RIC3: variants seen among roughly 807,000 people sequenced by gnomAD.
The protein encoded by RIC3 is RIC3 acetylcholine receptor chaperone.
RIC3 carries 28 observed loss-of-function variants against 27.3 expected under a neutral mutation model. That is an observed-to-expected ratio of 1.02 (90% CI 0.76 to 1.41). The LOEUF (loss-of-function observed/expected upper bound fraction) is 1.41. Among genes scored for constraint, RIC3 ranks in the 40% most tolerant of loss-of-function variants. The pLI, the probability that RIC3 is intolerant of heterozygous loss-of-function variation, is 0.00. For synonymous variants in RIC3, 184 were observed against 160.4 expected, an observed-to-expected ratio of 1.15 and a Z score of -1.11; for missense variants, 501 against 444.7, an observed-to-expected ratio of 1.13 and a Z score of -1.14.
At chr11:8,129,577 A>G (rs1204649373) in intron 4 of RIC3, among the ~76,000 whole-genome samples, 8 of 152,184 alleles carry the variant, frequency 5.3e-5, no homozygotes, top group Non-Finnish European at 8.8e-5. Flanking sequence ...TGAGTATGGA[A>G]GATTCTAAGA....
downstream of RIC3, chr11:8,105,243 G>A (rs1453701521): frequency 6.6e-6 from 1 of 152,186 alleles, no homozygotes; most frequent in African/African-American, 2.4e-5. Flanking sequence ...AGGATGCCAA[G>A]TGGCCCTCAG....
the RIC3 span, among the ~76,000 whole-genome samples, chr11:8,100,259 C>T: frequency 1.3e-4 from 19 of 151,212 alleles, no homozygotes; most frequent in East Asian, 3.9e-4. Context: ...AGTAGTTTGC[C>T]GGAGCGAGTG....
intron 4 of RIC3, chr11:8,135,815 G>C (rs72849315): frequency 6.6e-6 from 1 of 152,144 alleles, no homozygotes; most frequent in African/African-American, 2.4e-5. Flanking sequence ...AATAGCCTGG[G>C]TAGTTCTCCA....
chr11:8,137,574 T>C (rs1948573390), intron 3 of RIC3, 103 bp from the exon 4 acceptor site: 2 of 729,530 alleles, frequency 2.7e-6, no homozygotes, highest in South Asian at 2.1e-5. Context: ...TAACTTCCCA[T>C]TACTATCTCA....
At position 8,112,318 on chromosome 11, in the gene RIC3, C is replaced by A. The variant is rs1420629637; in HGVS notation, c.671-1181G>T. ...TCTTTTTTTTTTTTTGAGACGGAGT[C>A]TCGCTCTGTCGCCTGCCCAGGCTGG... On this transcript the variant is annotated intron_variant, in intron 5 of 5. Transcript: ENST00000309737. 6.3e-5 allele frequency among the ~76,000 whole-genome samples: 9 copies of A among 142,076 alleles called. No homozygotes were observed. The East Asian group carries it at 1.7e-3, about 26-fold the overall frequency. The allele number at this position is 142,076 out of a possible 152,430, so 93.2% of individuals were successfully genotyped here. A position where few individuals can be genotyped will look rare whatever the true frequency, so the allele number is the denominator to read the frequency against.
At chr11:8,130,672 C>T (rs1947582080) in intron 4 of RIC3, among the ~76,000 whole-genome samples, 1 of 152,088 alleles carries the variant, frequency 6.6e-6, no homozygotes, top group African/African-American at 2.4e-5. Context: ...TATGTAGTCA[C>T]TCTATATATT....
chr11:8,143,599 C>A (rs991461398), intron 1 of RIC3, among the ~76,000 whole-genome samples: 2 of 152,080 alleles, frequency 1.3e-5, no homozygotes, highest in African/African-American at 4.8e-5. Flanking sequence ...AATGGCCATA[C>A]TGCCCAAGGT....
intron 4 of RIC3, among the ~76,000 whole-genome samples, chr11:8,128,820 C>T (rs571367659): frequency 6.0e-4 from 89 of 148,488 alleles, no homozygotes; most frequent in African/African-American, 2.1e-3. Context: ...AGTGGCGCCA[C>T]CTCAGCTCAC....
chr11:8,139,829 T>C (rs905352036), intron 2 of RIC3, 138 bp downstream of exon 2: 1 of 738,538 alleles, frequency 1.4e-6, no homozygotes, highest in East Asian at 2.7e-5. Flanking sequence ...AAGTACCTCA[T>C]GAAGAGGAGG....
intron 1 of RIC3, among the ~76,000 whole-genome samples, chr11:8,162,629 CTTTTTTTTTTTTTT>C (rs757717970): frequency 1.2e-5 from 1 of 83,706 alleles, no homozygotes; most frequent in Non-Finnish European, 2.4e-5. Flanking sequence ...CATGCTTCTT[CTTTTTTTTTTTTTT>C]TTTTTTTTTT....
intron 2 of RIC3, chr11:8,139,765 C>A: frequency 2.2e-6 from 1 of 464,664 alleles, no homozygotes; most frequent in Non-Finnish European, 3.8e-6. Context: ...TGGGGCAAAA[C>A]ACTTAAACAT....
At chr11:8,151,783 G>T (rs1950257226) in intron 1 of RIC3, among the ~76,000 whole-genome samples, 1 of 151,436 alleles carries the variant, frequency 6.6e-6, no homozygotes, top group African/African-American at 2.4e-5. Flanking sequence ...GGGCGTGGTG[G>T]TGCATGCCTG....
chr11:8,110,853 T>A lies in RIC3; in HGVS notation c.955A>T (p.Asn319Tyr), dbSNP rs148280540. ...EDEDPAVLAENAGFSADSYPE... is the reference protein window; with the variant it reads ...EDEDPAVLAEYAGFSADSYPE... ...TAGCTATCTGCACTGAATCCAGCAT[T>A]CTCTGCCAAGACAGCAGGATCCTCG... The change falls in exon 6 of 6, where the codon AAT becomes TAT. Residue 319 changes from asparagine (N) to tyrosine (Y), a missense_variant. Coordinates refer to ENST00000309737, the MANE Select transcript of RIC3 (RefSeq NM_001206671.4). 2 of 1,614,194 alleles carry A rather than the reference T, an allele frequency of 1.2e-6. No individual in the cohort carries two copies. The highest frequency in any genetic ancestry group is 1.7e-6 in the Non-Finnish European group (2 of 1,180,034).
chr11:8,097,826 G>A, the RIC3 span: 1 of 1,612,524 alleles, frequency 6.2e-7, no homozygotes, highest in Non-Finnish European at 8.5e-7. Flanking sequence ...GGGAAACTGC[G>A]GTACTAGCAT....
intron 1 of RIC3, among the ~76,000 whole-genome samples, chr11:8,162,608 C>T (rs1448394069): frequency 1.4e-5 from 2 of 143,068 alleles, no homozygotes; most frequent in East Asian, 4.2e-4. Flanking sequence ...TCTGAGGATA[C>T]TTCAAGGCTC....
chr11:8,118,527 TAAAAA>T (rs11378233), intron 5 of RIC3, among the ~76,000 whole-genome samples: 14 of 66,686 alleles, frequency 2.1e-4, no homozygotes, highest in East Asian at 1.5e-3. Flanking sequence ...GCCATAATTG[TAAAAA>T]AAAAAAAAAA....
intron 1 of RIC3, among the ~76,000 whole-genome samples, chr11:8,140,905 C>T (rs1431315704): frequency 6.6e-6 from 1 of 150,848 alleles, no homozygotes; most frequent in Non-Finnish European, 1.5e-5. Flanking sequence ...GAATTTTCAA[C>T]CCAGAATTTC....
chr11:8,155,506 G>A (rs189024738), intron 1 of RIC3, among the ~76,000 whole-genome samples: 3 of 152,234 alleles, frequency 2.0e-5, no homozygotes, highest in South Asian at 2.1e-4. Context: ...AACCCGGGAG[G>A]CGGAGGTTGC....
chr11:8,096,570 A>C, the RIC3 span: 5 of 745,062 alleles, frequency 6.7e-6, no homozygotes, highest in African/African-American at 6.8e-5. Context: ...TGTGTGCATA[A>C]GTTTGTGGGG....
Sources: gnomAD v4.1 joint callset for allele counts (sites outside exome capture counted in the v4.1 genomes callset) on GRCh38, gnomAD v4.1.1 for gene constraint, MANE v1.5 for transcripts, NCBI Gene and HGNC (gene_info 2026-07-23, HGNC 2026-07-21) for gene names.